The following RBFOX1 variants were observed in gnomAD, a reference collection of about 807,000 sequenced individuals.
RBFOX1 encodes the protein RNA binding fox-1 homolog 1.
In RBFOX1, 8 loss-of-function variants were observed where a neutral mutation model predicts 57.7. The observed-to-expected ratio is 0.14, with a 90% CI of 0.08 to 0.25. The LOEUF (loss-of-function observed/expected upper bound fraction) is 0.25, where lower values mean the gene tolerates loss of function less well. RBFOX1 is among the 10% of genes least tolerant of loss of function. RBFOX1 has a pLI of 1.00. For missense variants in RBFOX1, 611 were observed against 548.5 expected (o/e 1.11, Z -1.14); for synonymous variants, 326 against 222.4 (o/e 1.47, Z -4.15).
At chr16:6,769,099 C>T (rs757441611) in intron 3 of RBFOX1, among the ~76,000 whole-genome samples, 3 of 152,158 alleles carry the variant, frequency 2.0e-5, no homozygotes, top group Admixed American at 2.0e-4. Flanking sequence ...ATCTTGAATT[C>T]CCACGTGTTG....
chr16:6,426,110 C>T (rs1029529018), intron 2 of RBFOX1, among the ~76,000 whole-genome samples: 5 of 151,900 alleles, frequency 3.3e-5, no homozygotes, highest in Admixed American at 2.6e-4. Context: ...CTCTCTCCCT[C>T]TCATTGTCTC....
At chr16:7,703,185 A>C (rs2081330776) in intron 14 of RBFOX1, among the ~76,000 whole-genome samples, 1 of 152,190 alleles carries the variant, frequency 6.6e-6, no homozygotes, top group Non-Finnish European at 1.5e-5. Context: ...CCAAATACTT[A>C]AGACTATGCC....
At chr16:6,571,257 C>T (rs1325953918) in intron 2 of RBFOX1, among the ~76,000 whole-genome samples, 1 of 152,146 alleles carries the variant, frequency 6.6e-6, no homozygotes, top group Non-Finnish European at 1.5e-5. Flanking sequence ...GCTGCTGCTC[C>T]CAGGGCTGAG....
intron 1 of RBFOX1, among the ~76,000 whole-genome samples, chr16:6,150,437 C>G (rs557690944): frequency 6.6e-6 from 1 of 152,110 alleles, no homozygotes; most frequent in Admixed American, 6.5e-5. Context: ...AGCTCTACTT[C>G]TGGAAATTCT....
intron 3 of RBFOX1, among the ~76,000 whole-genome samples, chr16:6,931,531 G>T (rs1248139002): frequency 6.6e-6 from 1 of 152,058 alleles, no homozygotes; most frequent in Non-Finnish European, 1.5e-5. Context: ...GGGACATCTT[G>T]CCAATTTGTT....
rs187656846 is a variant in RBFOX1, at chr16:6,292,482, A to T, written c.-126-24513A>T. 1.1e-3 allele frequency among the ~76,000 whole-genome samples: 174 copies of T among 152,200 alleles called. 2 individuals carry two copies. Among genetic ancestry groups the T allele is most frequent in the African/African-American group, 4.1e-3 (172 of 41,522 alleles). On this transcript the variant is annotated intron_variant, in intron 1 of 15. Coordinates refer to ENST00000550418, the MANE Select transcript of RBFOX1 (RefSeq NM_018723.4). ...TCTTCAATAATTCAGTGTCAAATAC[A>T]TACGTTTGAATACTGAAAGCAGCCT...
intron 3 of RBFOX1, among the ~76,000 whole-genome samples, chr16:6,974,294 C>G (rs966429826): frequency 1.4e-5 from 2 of 145,664 alleles, no homozygotes; most frequent in Non-Finnish European, 3.0e-5. Flanking sequence ...TAGTAAATAA[C>G]AGTCCAGTTT....
intron 3 of RBFOX1, among the ~76,000 whole-genome samples, chr16:7,033,049 G>C (rs1254972239): frequency 6.6e-6 from 1 of 152,128 alleles, no homozygotes; most frequent in Non-Finnish European, 1.5e-5. Flanking sequence ...CTGTCCACTA[G>C]CCCTGTCTTC....
intron 2 of RBFOX1, among the ~76,000 whole-genome samples, chr16:6,596,758 C>G (rs2097780173): frequency 6.6e-6 from 1 of 152,190 alleles, no homozygotes; most frequent in East Asian, 1.9e-4. Flanking sequence ...CTTCTTCCTT[C>G]TTGGATATAC....
chr16:5,561,806 T>A (rs1210453377), intron 2 of RBFOX1, among the ~76,000 whole-genome samples: 2 of 152,136 alleles, frequency 1.3e-5, no homozygotes, highest in Non-Finnish European at 2.9e-5. Context: ...CAGAAGTTAC[T>A]TGAGGACGAT....
chr16:5,527,537 G>C (rs890751914), intron 2 of RBFOX1, among the ~76,000 whole-genome samples: 2 of 152,190 alleles, frequency 1.3e-5, no homozygotes, highest in African/African-American at 4.8e-5. Flanking sequence ...AATTTTCTGT[G>C]TTTGAGCCAC....
chr16:5,946,209 C>T lies in RBFOX1; in HGVS notation c.351+78874C>T, dbSNP rs560616561. ...GGCCCGAGGTGGGGGCCAGGCTCTG[C>T]CACATTAGATGCCTTCACGTCTCTA... On this transcript the variant is annotated intron_variant, in intron 4 of 19. Transcript: ENST00000641259. This position sits in a 1 kb window ranked among gnomAD's most constrained non-coding sequence, Gnocchi z 4.6. Among the ~76,000 whole-genome samples, 26 of 152,156 alleles carry T rather than the reference C, an allele frequency of 1.7e-4. No individual in the cohort carries two copies. Among genetic ancestry groups the T allele is most frequent in the South Asian group, 4.1e-4 (2 of 4,830 alleles).
chr16:6,563,180 C>G (rs936266280), intron 2 of RBFOX1, among the ~76,000 whole-genome samples: 5 of 152,094 alleles, frequency 3.3e-5, no homozygotes, highest in African/African-American at 1.2e-4. Context: ...GTGACTCTGT[C>G]TCTCTGAATT....
Position 7,013,902 on chromosome 16 carries a change from C to T in RBFOX1, c.-15-38155C>T, listed in dbSNP as rs958372889. Among the ~76,000 whole-genome samples, 56 of 152,268 alleles carry T rather than the reference C, an allele frequency of 3.7e-4. 1 individual carries two copies. The highest frequency in any genetic ancestry group is 1.3e-3 in the African/African-American group (53 of 41,558). On this transcript the variant is annotated intron_variant, in intron 3 of 15. Transcript: ENST00000550418. ...TGAGCTCTTGATCTCCAAAAATCTT[C>T]CTGCCTCAGCCTCCCAAAGGGCTGG...
intron 4 of RBFOX1, among the ~76,000 whole-genome samples, chr16:7,292,656 C>G (rs1213194710): frequency 1.3e-5 from 2 of 151,390 alleles, no homozygotes; most frequent in Admixed American, 1.3e-4. Context: ...AGTTTTTTGT[C>G]TATGAGGCAT....
At chr16:6,576,067 G>A (rs1034755051) in intron 2 of RBFOX1, among the ~76,000 whole-genome samples, 1 of 152,066 alleles carries the variant, frequency 6.6e-6, no homozygotes, top group Non-Finnish European at 1.5e-5. Context: ...AGCATGGCAG[G>A]CTCACTGGGC....
intron 1 of RBFOX1, among the ~76,000 whole-genome samples, chr16:5,408,173 G>C (rs370364790): frequency 1.3e-4 from 20 of 152,292 alleles, no homozygotes; most frequent in African/African-American, 3.8e-4. Context: ...GTGTTTGAAT[G>C]AATGTTCTAA....
At chr16:5,541,563 C>G (rs1273525512) in intron 2 of RBFOX1, among the ~76,000 whole-genome samples, 4 of 152,102 alleles carry the variant, frequency 2.6e-5, no homozygotes, top group African/African-American at 9.7e-5. Context: ...TTCTGATTAG[C>G]CTTTCCAAAG....
intron 1 of RBFOX1, among the ~76,000 whole-genome samples, chr16:6,197,341 C>T (rs528003700): frequency 6.6e-6 from 1 of 152,174 alleles, no homozygotes; most frequent in Admixed American, 6.5e-5. Context: ...GGACACCCTT[C>T]ATTCGTTGTG....
Sources: gnomAD v4.1 joint callset for allele counts (sites outside exome capture counted in the v4.1 genomes callset) on GRCh38, gnomAD v4.1.1 for gene constraint, Gnocchi (gnomAD v3.1) non-coding constraint, MANE v1.5 for transcripts, NCBI Gene and HGNC (gene_info 2026-07-23, HGNC 2026-07-21) for gene names.